Variants in PRSS12 observed in about 807,000 individuals in gnomAD.
PRSS12 encodes the protein neurotrypsin.
Under a neutral mutation model 104.4 loss-of-function variants are expected in PRSS12, and 85 were observed. The observed-to-expected ratio is 0.81, with a 90% CI of 0.68 to 0.98. The LOEUF is 0.98. Among genes scored for constraint, PRSS12 ranks in the 50% least tolerant of loss-of-function variants. PRSS12 has a pLI of 0.00. For synonymous variants in PRSS12, 454 were observed against 425.2 expected (o/e 1.07, Z -0.83); for missense variants, 1,141 against 1,139.2 (o/e 1.00, Z -0.02).
chr4:118,304,033 A>C (rs758252032), intron 8 of PRSS12, among the ~76,000 whole-genome samples: 3 of 151,912 alleles, frequency 2.0e-5, no homozygotes. Flanking sequence ...TAATTTTATT[A>C]AATATTTTGC....
chr4:118,352,458 G>T lies in PRSS12; in HGVS notation c.263C>A (p.Pro88Gln). ...HALQAGHTPR[P>Q]HPWGCPAGEP... is the part of the protein sequence containing the mutation. ...GCCGGCGGGGCAGCCCCAGGGGTGC[G>T]GCCGGGGCGTGTGCCCGGCCTGGAG... The change falls in exon 1 of 13, where the codon CCG becomes CAG. Residue 88 changes from proline to glutamine, a missense_variant. By Grantham distance (76) the Pro-to-Gln change is moderately conservative. Transcript: ENST00000296498. 1.4e-6 allele frequency: 2 copies of T among 1,407,182 alleles called. No homozygotes were observed. Among genetic ancestry groups the T allele is most frequent in the Non-Finnish European group, 1.8e-6 (2 of 1,087,944 alleles). 87.2% of individuals were successfully genotyped at this position (1,407,182 alleles called of 1,614,324 possible).
chr4:118,330,539 C>A (rs1723892441), intron 4 of PRSS12, among the ~76,000 whole-genome samples: 1 of 151,998 alleles, frequency 6.6e-6, no homozygotes, highest in South Asian at 2.1e-4. Flanking sequence ...AAAACCCAGG[C>A]CTTTCTAGAG....
intron 4 of PRSS12, among the ~76,000 whole-genome samples, chr4:118,330,055 C>T (rs185457194): frequency 7.9e-5 from 12 of 152,308 alleles, no homozygotes; most frequent in Admixed American, 7.2e-4. Context: ...ATCATACCAT[C>T]GTAAACAATG....
chr4:118,310,563 T>C (rs1254353067), intron 7 of PRSS12, among the ~76,000 whole-genome samples: 7 of 152,200 alleles, frequency 4.6e-5, no homozygotes, highest in Non-Finnish European at 8.8e-5. Flanking sequence ...GCATGTTTTA[T>C]TTCCAAAATC....
At chr4:118,327,187 C>G (rs1422055373) in intron 4 of PRSS12, among the ~76,000 whole-genome samples, 1 of 151,992 alleles carries the variant, frequency 6.6e-6, no homozygotes, top group African/African-American at 2.4e-5. Context: ...CAGGGTCTTA[C>G]TCTGTCACCC....
chr4:118,303,955 C>T (rs1223412716), intron 8 of PRSS12: 1 of 151,874 alleles, frequency 6.6e-6, no homozygotes, highest in African/African-American at 2.4e-5. Context: ...ACAAACCCAA[C>T]CCATTGGTCT....
intron 11 of PRSS12, among the ~76,000 whole-genome samples, chr4:118,284,944 T>G (rs1315918540): frequency 6.6e-6 from 1 of 152,182 alleles, no homozygotes; most frequent in African/African-American, 2.4e-5. Context: ...GAGTTGGTAT[T>G]CAAAAGCTTG....
intron 11 of PRSS12, among the ~76,000 whole-genome samples, chr4:118,286,172 T>G (rs1743012641): frequency 6.6e-6 from 1 of 152,136 alleles, no homozygotes; most frequent in Admixed American, 6.6e-5. Flanking sequence ...CAGAGTGATG[T>G]TTCTGCCTGA....
intron 4 of PRSS12, among the ~76,000 whole-genome samples, chr4:118,324,731 T>C (rs1430877778): frequency 6.6e-6 from 1 of 152,060 alleles, no homozygotes; most frequent in African/African-American, 2.4e-5. Flanking sequence ...GCTTTTGTTT[T>C]TTGAAGACAG....
intron 11 of PRSS12, 22 bp from the exon 12 acceptor site, chr4:118,283,133 T>G (rs552647189): frequency 1.9e-6 from 3 of 1,613,000 alleles, no homozygotes; most frequent in Admixed American, 3.3e-5. Flanking sequence ...AGAGTACTAA[T>G]GAGAGACTTG....
In PRSS12 at chr4:118,352,509, GCCC is replaced by G; in HGVS notation, c.209_211del (p.Arg70_Ala71delinsPro). The G allele has an allele frequency of 2.1e-6, 3 of 1,438,184 alleles. No homozygotes were observed. Among genetic ancestry groups the G allele is most frequent in the Non-Finnish European group, 2.7e-6 (3 of 1,094,230 alleles). The allele number at this position is 1,438,184 out of a possible 1,614,324, so 89.1% of individuals were successfully genotyped here. A position where few individuals can be genotyped will look rare whatever the true frequency, so the allele number is the denominator to read the frequency against. ...GGCGTGCGGGCGCTGGGCAGGGAGC[GCCC>G]GCGGGGGGCGCGGGAAGCGCGGGAG... On this transcript the variant is annotated inframe_deletion, in exon 1 of 13. Transcript: ENST00000296498.
In PRSS12 at chr4:118,283,053, G is replaced by C; in HGVS notation, c.2098C>G (p.Pro700Ala). Reference protein sequence around the residue: ...VRVGDYHTLVPEEFEEEIGVQ... With the variant: ...VRVGDYHTLVAEEFEEEIGVQ... ...CCAATTTCTTCCTCAAACTCCTCTG[G>C]TACCAGAGTATGATAATCTCCAACC... Residue 700 changes from proline to alanine, a missense_variant, in exon 12 of 13, where the codon CCA (proline) becomes GCA (alanine). By Grantham distance (27) the Pro-to-Ala change is conservative (BLOSUM62 -1). Transcript: ENST00000296498. The C allele has an allele frequency of 6.2e-7, 1 of 1,614,088 alleles. No individual in the cohort carries two copies. The highest frequency in any genetic ancestry group is 8.5e-7 in the Non-Finnish European group (1 of 1,180,020).
Position 118,282,893 on chromosome 4 carries a change from A to AGT in PRSS12, c.2256_2257dup (p.Leu753HisfsTer16). The AGT allele has an allele frequency of 6.2e-7, 1 of 1,614,128 alleles. No individual in the cohort carries two copies. Among genetic ancestry groups the AGT allele is most frequent in the Non-Finnish European group, 8.5e-7 (1 of 1,180,018 alleles). On this transcript the variant is annotated frameshift_variant, in exon 12 of 13. Coordinates refer to ENST00000296498, the MANE Select transcript of PRSS12 (RefSeq NM_003619.4). LOFTEE classifies it high-confidence loss of function. ...TGTTTTCTGTGGCCTCTCTCTCCAG[A>AGT]GTGGTAAACAGGCTGGCAAAACATG...
rs193186772 is a variant in PRSS12, at chr4:118,352,960, C to G, written c.-240G>C. On this transcript the variant is annotated 5_prime_UTR_variant, in exon 1 of 13. Coordinates refer to ENST00000296498, the MANE Select transcript of PRSS12 (RefSeq NM_003619.4). ...GGGAAATCTGGAGCTCAGCCGAGCCCCGGCCGGCGGAGAGGACCGGAAAAG... is the reference window on the plus strand; with the variant it reads ...GGGAAATCTGGAGCTCAGCCGAGCCGCGGCCGGCGGAGAGGACCGGAAAAG... The G allele has an allele frequency of 9.0e-7, 1 of 1,105,460 alleles. No individual in the cohort carries two copies. Among genetic ancestry groups the G allele is most frequent in the Non-Finnish European group, 1.2e-6 (1 of 835,442 alleles). The allele number at this position is 1,105,460 out of a possible 1,614,324, so 68.5% of individuals were successfully genotyped here.
chr4:118,307,433 G>A (rs887995555), intron 8 of PRSS12, among the ~76,000 whole-genome samples: 1 of 152,124 alleles, frequency 6.6e-6, no homozygotes, highest in East Asian at 1.9e-4. Context: ...AATGAACACA[G>A]ATATATAATT....
chr4:118,352,178 A>G lies in PRSS12; in HGVS notation c.502+41T>C, dbSNP rs200961440. Reference sequence around the variant, plus strand: ...CCGGCCCCAAGCCTCACTGGCTCCGAGCCCGTCCGGAGTTTCCGCGGCCGC... The same window carrying G: ...CCGGCCCCAAGCCTCACTGGCTCCGGGCCCGTCCGGAGTTTCCGCGGCCGC... On this transcript the variant is annotated intron_variant, in intron 1 of 12. Coordinates refer to ENST00000296498, the MANE Select transcript of PRSS12 (RefSeq NM_003619.4). 8.7e-6 allele frequency: 14 copies of G among 1,607,792 alleles called. No homozygotes were observed. In the Admixed American group the frequency reaches 1.8e-4, roughly 21 times the overall value.
Position 118,335,329 on chromosome 4 carries a change from T to C in PRSS12, c.820+144A>G, listed in dbSNP as rs886916582. On this transcript the variant is annotated intron_variant, in intron 3 of 12. Transcript: ENST00000296498. ...AACAGTACTCATATTGAAGACTAATTAGATGGTAAAATATTTTGACTCAGA... is the reference window on the plus strand; with the variant it reads ...AACAGTACTCATATTGAAGACTAATCAGATGGTAAAATATTTTGACTCAGA... 18 of 903,312 alleles carry C rather than the reference T, an allele frequency of 2.0e-5. No homozygotes were observed. The East Asian group carries it at 2.1e-4, about 11-fold the overall frequency. 56.0% of individuals were successfully genotyped at this position (903,312 alleles called of 1,614,324 possible).
intron 8 of PRSS12, among the ~76,000 whole-genome samples, chr4:118,305,621 T>A (rs1251081977): frequency 6.6e-6 from 1 of 152,146 alleles, no homozygotes; most frequent in African/African-American, 2.4e-5. Flanking sequence ...TTGTTTGTTT[T>A]GTTATGTTCT....
intron 11 of PRSS12, among the ~76,000 whole-genome samples, chr4:118,288,668 A>T (rs1213660939): frequency 6.6e-6 from 1 of 152,248 alleles, no homozygotes; most frequent in East Asian, 1.9e-4. Context: ...AAGCAATTAA[A>T]AGAAATTAAT....
Sources: allele counts gnomAD v4.1 joint callset (sites outside exome capture counted in the v4.1 genomes callset), GRCh38; gene constraint gnomAD v4.1.1; transcripts MANE v1.5; gene names NCBI Gene and HGNC (gene_info 2026-07-23, HGNC 2026-07-21).